Variants in TENT4B observed in about 807,000 individuals in gnomAD.
The protein encoded by TENT4B is PAP associated domain containing 5.
Under a neutral mutation model 75.0 loss-of-function variants are expected in TENT4B, and 10 were observed. The observed-to-expected ratio is 0.13, with a 90% CI of 0.08 to 0.23. The LOEUF (loss-of-function observed/expected upper bound fraction) is 0.23. Among genes scored for constraint, TENT4B ranks in the 10% least tolerant of loss-of-function variants. The pLI is 1.00. For missense variants in TENT4B, 579 were observed against 893.8 expected, an observed-to-expected ratio of 0.65 and a Z score of 4.49; for synonymous variants, 350 against 357.7, an observed-to-expected ratio of 0.98 and a Z score of 0.24.
chr16:50,204,831 A>C (rs1046442292), intron 1 of TENT4B, among the ~76,000 whole-genome samples: 8 of 148,852 alleles, frequency 5.4e-5, no homozygotes, highest in African/African-American at 1.7e-4. Context: ...ACTAGCAGAA[A>C]CTCACCACAC....
At chr16:50,159,032 G>C (rs999980677) in intron 1 of TENT4B, among the ~76,000 whole-genome samples, 5 of 152,176 alleles carry the variant, frequency 3.3e-5, no homozygotes, top group African/African-American at 1.2e-4. Flanking sequence ...GGACCTGCTA[G>C]TGGGGAGCTG....
rs1450675619 is a variant in TENT4B at position 50,153,722 on chromosome 16, A to T, written c.101A>T (p.Tyr34Phe). Residue 34 changes from tyrosine to phenylalanine, a missense_variant, in exon 1 of 12, where the codon TAC (tyrosine) becomes TTC (phenylalanine). By Grantham distance (22) the Tyr-to-Phe change is conservative. Around this residue, in one of 7 missense-constraint regions of TENT4B, gnomAD observed 253 missense variants for 270.1 expected, o/e 0.94. Coordinates refer to ENST00000561678, the MANE Select transcript of TENT4B (RefSeq NM_001365324.3). The part of the protein sequence containing the change: ...WETTQGLRNL[Y>F]FNHHCHSSGG... ...ACGACCCAGGGGCTGAGGAACCTCT[A>T]CTTCAACCACCACTGTCACAGCAGC... 4 of 1,042,108 alleles carry T rather than the reference A, an allele frequency of 3.8e-6. No homozygotes were observed. The highest frequency in any genetic ancestry group is 4.6e-6 in the Non-Finnish European group (4 of 869,918). 64.6% of individuals were successfully genotyped at this position (1,042,108 alleles called of 1,614,324 possible). A position where few individuals can be genotyped will look rare whatever the true frequency, so the allele number is the denominator to read the frequency against.
chr16:50,222,458 C>G (rs754627115), intron 6 of TENT4B, 24 bp downstream of exon 6: 36 of 1,601,770 alleles, frequency 2.2e-5, no homozygotes, highest in Non-Finnish European at 3.0e-5. Context: ...GTATAGCATG[C>G]TAGTGCACAC....
In TENT4B at chr16:50,230,551, TTACAAA is replaced by T. The variant is rs1168362601; in HGVS notation, c.*1225_*1230del. The T allele has an allele frequency of 4.1e-6, 4 of 977,362 alleles. No homozygotes were observed. Among genetic ancestry groups the T allele is most frequent in the Non-Finnish European group, 4.9e-6 (4 of 822,242 alleles). The allele number at this position is 977,362 out of a possible 1,614,324, so 60.5% of individuals were successfully genotyped here. On this transcript the variant is annotated 3_prime_UTR_variant, in exon 12 of 12. Coordinates refer to ENST00000561678, the MANE Select transcript of TENT4B (RefSeq NM_001365324.3). The stretch of plus-strand genomic sequence containing the variant: ...TCTATGCTTTTGGTATTGTTGATCT[TTACAAA>T]TTAAATGGTCTTTGATAATGGATCT...
chr16:50,234,275 CA>C lies in TENT4B; in HGVS notation c.*4950del. On this transcript the variant is annotated 3_prime_UTR_variant, in exon 12 of 12. Coordinates refer to ENST00000561678, the MANE Select transcript of TENT4B (RefSeq NM_001365324.3). ...TTGAGACCTTCATCTCTTAAAAAAA[CA>C]AACAAAAACCTGAATGGTGAGGTGT... 1 of 985,346 alleles carries C rather than the reference CA, an allele frequency of 1.0e-6. No individual in the cohort carries two copies. The highest frequency in any genetic ancestry group is 1.2e-6 in the Non-Finnish European group (1 of 829,942). 61.0% of individuals were successfully genotyped at this position (985,346 alleles called of 1,614,324 possible).
At chr16:50,173,088 G>A (rs1567482530) in intron 1 of TENT4B, among the ~76,000 whole-genome samples, 1 of 152,006 alleles carries the variant, frequency 6.6e-6, no homozygotes, top group South Asian at 2.1e-4. Context: ...GACTACAGGC[G>A]CATACCTCCC....
chr16:50,155,194 C>T (rs2037867489), intron 1 of TENT4B, among the ~76,000 whole-genome samples: 1 of 151,790 alleles, frequency 6.6e-6, no homozygotes, highest in Non-Finnish European at 1.5e-5. Context: ...AACTAGATCT[C>T]CCTTCAGAAG....
chr16:50,194,771 C>T (rs1309186841), intron 1 of TENT4B, among the ~76,000 whole-genome samples: 1 of 92,742 alleles, frequency 1.1e-5, no homozygotes, highest in African/African-American at 4.0e-5. Context: ...TTTTTTGAGA[C>T]GGAGTCTCGC....
chr16:50,164,166 TAAAAA>T (rs1567476825), intron 1 of TENT4B, among the ~76,000 whole-genome samples: 1 of 151,422 alleles, frequency 6.6e-6, no homozygotes, highest in African/African-American at 2.4e-5. Flanking sequence ...TCAAAAAAAA[TAAAAA>T]ATAAAAAAGA....
chr16:50,167,441 T>C (rs1402483149), intron 1 of TENT4B, among the ~76,000 whole-genome samples: 1 of 151,796 alleles, frequency 6.6e-6, no homozygotes, highest in Non-Finnish European at 1.5e-5. Flanking sequence ...TTAAACTGAT[T>C]AAAAGCTTTA....
intron 1 of TENT4B, among the ~76,000 whole-genome samples, chr16:50,186,815 C>G (rs1004389646): frequency 1.2e-4 from 18 of 152,206 alleles, no homozygotes; most frequent in African/African-American, 4.3e-4. Context: ...TGCCTGACCT[C>G]AAGTGGCACC....
chr16:50,190,183 A>T (rs2038614221), intron 1 of TENT4B, among the ~76,000 whole-genome samples: 1 of 151,910 alleles, frequency 6.6e-6, no homozygotes, highest in South Asian at 2.1e-4. Context: ...GCTAGTATTG[A>T]TATTATACCA....
chr16:50,234,553 A>T lies in TENT4B; in HGVS notation c.*5225A>T. 2.0e-6 allele frequency: 2 copies of T among 982,172 alleles called. No homozygotes were observed. Among genetic ancestry groups the T allele is most frequent in the Non-Finnish European group, 2.4e-6 (2 of 826,972 alleles). The allele number at this position is 982,172 out of a possible 1,614,324, so 60.8% of individuals were successfully genotyped here. ...TTTATATTTAGTTGCAATTTATTAT[A>T]ATATGTTGTTTTGTCCCTGAACTTA... is the stretch of plus-strand genomic sequence containing the variant. On this transcript the variant is annotated 3_prime_UTR_variant, in exon 12 of 12. Coordinates refer to ENST00000561678, the MANE Select transcript of TENT4B (RefSeq NM_001365324.3).
At chr16:50,213,019 C>G (rs1012933958) in intron 2 of TENT4B, among the ~76,000 whole-genome samples, 7 of 152,188 alleles carry the variant, frequency 4.6e-5, no homozygotes, top group Middle Eastern at 6.8e-3. Context: ...GGTTAGGTTC[C>G]CAGGTCCATC....
chr16:50,204,157 T>G (rs905628749), intron 1 of TENT4B, among the ~76,000 whole-genome samples: 2 of 152,120 alleles, frequency 1.3e-5, no homozygotes, highest in Non-Finnish European at 1.5e-5. Flanking sequence ...GAAGGGGACT[T>G]CAGTAATCAT....
upstream of TENT4B, chr16:50,153,134 C>A: frequency 5.4e-6 from 4 of 746,926 alleles, no homozygotes; most frequent in Non-Finnish European, 6.7e-6. Context: ...GCCTCCCGGG[C>A]TGCTGCGCGG....
chr16:50,153,928 T>G lies in TENT4B; in HGVS notation c.307T>G (p.Phe103Val). ...SHALPAEQRD[F>V]LPLETTNNNN... is the part of the protein sequence containing the mutation. Reference sequence around the variant, plus strand: ...CGCGCTGCCCGCGGAGCAGCGGGACTTCCTGCCCCTAGAGACGACCAACAA... The same window carrying G: ...CGCGCTGCCCGCGGAGCAGCGGGACGTCCTGCCCCTAGAGACGACCAACAA... Residue 103 changes from phenylalanine (F) to valine (V), a missense_variant, in exon 1 of 12, where the codon TTC becomes GTC. Phe to Val is a conservative substitution (Grantham distance 50). Around this residue, in one of 7 missense-constraint regions of TENT4B, gnomAD observed 253 missense variants for 270.1 expected, o/e 0.94. Coordinates refer to ENST00000561678, the MANE Select transcript of TENT4B (RefSeq NM_001365324.3). The G allele has an allele frequency of 6.5e-7, 1 of 1,530,492 alleles. No homozygotes were observed. The highest frequency in any genetic ancestry group is 8.7e-7 in the Non-Finnish European group (1 of 1,145,016). 94.8% of individuals were successfully genotyped at this position (1,530,492 alleles called of 1,614,324 possible). A position where few individuals can be genotyped will look rare whatever the true frequency, so the allele number is the denominator to read the frequency against.
chr16:50,155,058 G>A (rs908954566), intron 1 of TENT4B, among the ~76,000 whole-genome samples: 3 of 152,052 alleles, frequency 2.0e-5, no homozygotes, highest in Admixed American at 1.3e-4. Flanking sequence ...CATTCTAGGG[G>A]GTAGAGATTT....
intron 1 of TENT4B, among the ~76,000 whole-genome samples, chr16:50,154,539 C>T (rs528935755): frequency 1.4e-4 from 22 of 151,916 alleles, no homozygotes; most frequent in African/African-American, 5.3e-4. Context: ...CCAGGCCCCC[C>T]CCTTTATCCA....
Sources: allele counts gnomAD v4.1 joint callset (sites outside exome capture counted in the v4.1 genomes callset), GRCh38; gene constraint gnomAD v4.1.1; regional missense constraint gnomAD v4.1.1; transcripts MANE v1.5; gene names NCBI Gene and HGNC (gene_info 2026-07-23, HGNC 2026-07-21).